The following ZNF827 variants were observed in gnomAD, a reference collection of about 807,000 sequenced individuals.
ZNF827 encodes zinc finger protein 827.
A neutral mutation model predicts 102.4 loss-of-function variants in ZNF827; 13 were observed. The ratio of observed to expected loss-of-function variants is 0.13; its 90% confidence interval spans 0.08 to 0.20. The LOEUF (loss-of-function observed/expected upper bound fraction) is 0.20, where lower values mean the gene tolerates loss of function less well. Ranked by LOEUF, ZNF827 falls within the 10% of genes least tolerant of loss-of-function variation. The pLI is 1.00. For synonymous variants in ZNF827, 523 were observed against 536.2 expected, an observed-to-expected ratio of 0.98 and a Z score of 0.34; for missense variants, 1,103 against 1,344.4, an observed-to-expected ratio of 0.82 and a Z score of 2.81.
chr4:145,773,088 G>C (rs1324175540), intron 11 of ZNF827, among the ~76,000 whole-genome samples: 2 of 152,054 alleles, frequency 1.3e-5, no homozygotes, highest in Non-Finnish European at 2.9e-5. Context: ...AAGAGGGTTA[G>C]AACAAAGGTT....
At chr4:145,773,962 T>C (rs1736659214) in intron 11 of ZNF827, among the ~76,000 whole-genome samples, 1 of 152,020 alleles carries the variant, frequency 6.6e-6, no homozygotes, top group Admixed American at 6.5e-5. Flanking sequence ...GAGAGCAAGC[T>C]CTGGAATGAA....
At chr4:145,927,435 C>A (rs759458038) in intron 1 of ZNF827, among the ~76,000 whole-genome samples, 4 of 152,024 alleles carry the variant, frequency 2.6e-5, no homozygotes, top group Admixed American at 6.5e-5. Context: ...GAGAGTAGGA[C>A]CAATAGGGTA....
intron 4 of ZNF827, among the ~76,000 whole-genome samples, chr4:145,882,429 G>C (rs910316990): frequency 6.6e-6 from 1 of 152,188 alleles, no homozygotes; most frequent in Non-Finnish European, 1.5e-5. Flanking sequence ...GCAGTGTTAA[G>C]TGTGGGCTCA....
chr4:145,827,644 T>C (rs958757145), intron 7 of ZNF827, among the ~76,000 whole-genome samples: 1 of 152,230 alleles, frequency 6.6e-6, no homozygotes, highest in Non-Finnish European at 1.5e-5. Context: ...GGTGGCACTA[T>C]GGCTACATAC....
chr4:145,898,214 C>A (rs1380321521), intron 2 of ZNF827, among the ~76,000 whole-genome samples: 1 of 152,128 alleles, frequency 6.6e-6, no homozygotes, highest in Non-Finnish European at 1.5e-5. Flanking sequence ...GAGGTGATCT[C>A]CCTCTCCGGA....
chr4:145,806,347 G>A lies in ZNF827; in HGVS notation c.2383+17075C>T, dbSNP rs551756558. On this transcript the variant is annotated intron_variant, in intron 8 of 14. Transcript: ENST00000508784. ...TTTTTTGTATTTTTGGTAAAGATGG[G>A]GTTTCGCCATGTTGCCCAGGCTGGT... Among the ~76,000 whole-genome samples, 10 of 151,806 alleles carry A rather than the reference G, an allele frequency of 6.6e-5. No individual in the cohort carries two copies. The South Asian group carries it at 2.1e-3, about 32-fold the overall frequency.
intron 8 of ZNF827, among the ~76,000 whole-genome samples, chr4:145,814,264 C>T (rs1742341486): frequency 6.6e-6 from 1 of 152,216 alleles, no homozygotes; most frequent in Non-Finnish European, 1.5e-5. Context: ...TATCACTTTT[C>T]CTTCACGGCT....
At chr4:145,809,781 AC>A (rs1280691840) in intron 8 of ZNF827, among the ~76,000 whole-genome samples, 3 of 151,920 alleles carry the variant, frequency 2.0e-5, no homozygotes, top group African/African-American at 7.3e-5. Context: ...CATTTTCTAT[AC>A]CCCTATGATT....
chr4:145,872,023 C>T (rs1748732499), intron 4 of ZNF827, among the ~76,000 whole-genome samples: 2 of 152,180 alleles, frequency 1.3e-5, no homozygotes, highest in African/African-American at 4.8e-5. Flanking sequence ...TCAAATACTA[C>T]CTGCTCAGTG....
chr4:145,810,699 CAA>C (rs1435975354), intron 8 of ZNF827, among the ~76,000 whole-genome samples: 1 of 152,112 alleles, frequency 6.6e-6, no homozygotes, highest in Non-Finnish European at 1.5e-5. Flanking sequence ...TTTTATCTAA[CAA>C]TATGTCTTGG....
At chr4:145,854,334 G>C (rs758155788) in intron 5 of ZNF827, among the ~76,000 whole-genome samples, 11 of 152,056 alleles carry the variant, frequency 7.2e-5, no homozygotes, top group Non-Finnish European at 1.5e-4. Context: ...TCATGGGACA[G>C]AGTGAGGTCT....
chr4:145,915,435 G>A (rs185313802), intron 1 of ZNF827, among the ~76,000 whole-genome samples: 134 of 152,026 alleles, frequency 8.8e-4, no homozygotes, highest in African/African-American at 3.0e-3. Context: ...CAACAAGAGC[G>A]GAACTCCGTC....
chr4:145,928,669 G>A (rs1343708021), intron 1 of ZNF827, among the ~76,000 whole-genome samples: 2 of 152,216 alleles, frequency 1.3e-5, no homozygotes, highest in Admixed American at 6.5e-5. Context: ...CGGCTGCAAT[G>A]TGGTGCTGCT....
At chr4:145,834,518 C>T (rs1026949960) in intron 7 of ZNF827, among the ~76,000 whole-genome samples, 62 of 152,238 alleles carry the variant, frequency 4.1e-4, no homozygotes, top group African/African-American at 1.4e-3. Context: ...ACACCTGGTC[C>T]GGCTTACAGT....
chr4:145,884,452 T>C (rs1179234941), intron 4 of ZNF827, among the ~76,000 whole-genome samples: 2 of 152,186 alleles, frequency 1.3e-5, no homozygotes, highest in Non-Finnish European at 2.9e-5. Context: ...TAAAAGGGTA[T>C]TGTCAATCTC....
chr4:145,845,345 G>C (rs1745826668), intron 7 of ZNF827, among the ~76,000 whole-genome samples: 1 of 152,142 alleles, frequency 6.6e-6, no homozygotes, highest in Non-Finnish European at 1.5e-5. Context: ...GCCCACACTG[G>C]CTAACCTCCT....
In ZNF827 at chr4:145,765,307, T is replaced by A; in HGVS notation, c.3053-142A>T. 1 of 1,043,554 alleles carries A rather than the reference T, an allele frequency of 9.6e-7. No individual in the cohort carries two copies. The highest frequency in any genetic ancestry group is 1.7e-5 in the South Asian group (1 of 58,614). The allele number at this position is 1,043,554 out of a possible 1,614,324, so 64.6% of individuals were successfully genotyped here. ...CCTTCCAGGCACTGTTCCCCATATC[T>A]CTGTGCTAAAAGGAGTTAAATGTAC... On this transcript the variant is annotated intron_variant, in intron 12 of 14. Transcript: ENST00000508784. The surrounding 1 kb of genome is among the most constrained non-coding windows in gnomAD (Gnocchi z 4.7).
intron 4 of ZNF827, among the ~76,000 whole-genome samples, chr4:145,881,478 C>T (rs1749659965): frequency 6.6e-6 from 1 of 152,102 alleles, no homozygotes; most frequent in African/African-American, 2.4e-5. Flanking sequence ...AGTGAAGTGC[C>T]AAGTTTCTGT....
At chr4:145,931,207 T>C (rs1753778553) in intron 1 of ZNF827, among the ~76,000 whole-genome samples, 1 of 152,248 alleles carries the variant, frequency 6.6e-6, no homozygotes, top group Non-Finnish European at 1.5e-5. Flanking sequence ...TCACACATTA[T>C]TCTCTTATAA....
Sources: gnomAD v4.1 joint callset for allele counts (sites outside exome capture counted in the v4.1 genomes callset) on GRCh38, gnomAD v4.1.1 for gene constraint, Gnocchi (gnomAD v3.1) non-coding constraint, MANE v1.5 for transcripts, NCBI Gene and HGNC (gene_info 2026-07-23, HGNC 2026-07-21) for gene names.